EXOC2: variants seen among roughly 807,000 people sequenced by gnomAD.
EXOC2 encodes the protein exocyst complex component 2.
In EXOC2, 70 loss-of-function variants were observed where a neutral mutation model predicts 131.8. That is an observed-to-expected ratio of 0.53 (90% confidence interval 0.44 to 0.65). EXOC2 has a LOEUF of 0.65. Ranked by LOEUF, EXOC2 falls within the 30% of genes least tolerant of loss-of-function variation. The pLI, the probability that EXOC2 is intolerant of heterozygous loss-of-function variation, is 0.00. For synonymous variants in EXOC2, 411 were observed against 398.4 expected, an observed-to-expected ratio of 1.03 and a Z score of -0.38; for missense variants, 923 against 1,108.6, an observed-to-expected ratio of 0.83 and a Z score of 2.38.
intron 23 of EXOC2, among the ~76,000 whole-genome samples, chr6:521,530 CTTTTTTT>C (rs965414802): frequency 6.9e-6 from 1 of 144,298 alleles, no homozygotes; most frequent in Non-Finnish European, 1.5e-5. Flanking sequence ...CATTTGAATT[CTTTTTTT>C]TTTTTTTCCT....
chr6:671,095 G>A (rs1299397285), intron 1 of EXOC2, among the ~76,000 whole-genome samples: 2 of 148,902 alleles, frequency 1.3e-5, no homozygotes, highest in Non-Finnish European at 3.0e-5. Context: ...GGTGGCTCAC[G>A]CCTGTAATCC....
intron 23 of EXOC2, among the ~76,000 whole-genome samples, chr6:510,522 C>T (rs2127502675): frequency 6.6e-6 from 1 of 152,148 alleles, no homozygotes; most frequent in Middle Eastern, 3.4e-3. Flanking sequence ...TTATTTTTTC[C>T]CATCTGTAAG....
chr6:615,751 A>T (rs1760967160), intron 6 of EXOC2, among the ~76,000 whole-genome samples: 1 of 151,894 alleles, frequency 6.6e-6, no homozygotes, highest in Non-Finnish European at 1.5e-5. Context: ...AAAAACCAGA[A>T]ACAGGGTAAG....
At chr6:594,323 T>C (rs1034532534) in intron 10 of EXOC2, among the ~76,000 whole-genome samples, 4 of 152,244 alleles carry the variant, frequency 2.6e-5, no homozygotes, top group African/African-American at 9.6e-5. Context: ...TAGTACACTG[T>C]GTCTTTCTTC....
intron 7 of EXOC2, among the ~76,000 whole-genome samples, chr6:605,156 T>C (rs548187847): frequency 6.6e-6 from 1 of 152,308 alleles, no homozygotes; most frequent in African/African-American, 2.4e-5. Flanking sequence ...GTATTCTTAC[T>C]ACTCAGAGAG....
intron 4 of EXOC2, among the ~76,000 whole-genome samples, chr6:619,822 A>G (rs761942349): frequency 2.0e-5 from 3 of 152,262 alleles, no homozygotes; most frequent in Admixed American, 1.3e-4. Flanking sequence ...AGGTTTAAAG[A>G]GGATTAAGAC....
chr6:505,296 A>C (rs1764474841), intron 23 of EXOC2, among the ~76,000 whole-genome samples: 1 of 152,206 alleles, frequency 6.6e-6, no homozygotes, highest in African/African-American at 2.4e-5. Context: ...ACTGGTGTTG[A>C]GAATGGCTCA....
intron 22 of EXOC2, among the ~76,000 whole-genome samples, chr6:544,289 AG>A (rs1756712584): frequency 6.6e-6 from 1 of 152,104 alleles, no homozygotes; most frequent in Non-Finnish European, 1.5e-5. Context: ...TGTATTGGGG[AG>A]GTAGCACTTT....
intron 24 of EXOC2, among the ~76,000 whole-genome samples, chr6:498,572 T>C (rs1277216154): frequency 6.6e-6 from 1 of 152,260 alleles, no homozygotes; most frequent in African/African-American, 2.4e-5. Flanking sequence ...TGAATTTGTA[T>C]GTTTCCCTTT....
intron 6 of EXOC2, among the ~76,000 whole-genome samples, chr6:614,165 T>C (rs563725184): frequency 1.8e-4 from 27 of 152,128 alleles, no homozygotes; most frequent in African/African-American, 6.3e-4. Flanking sequence ...AGAGTGTCTT[T>C]GTTTGCCTGT....
chr6:563,965 C>T (rs1338507319), intron 16 of EXOC2, 68 bp downstream of exon 16: 1 of 1,566,782 alleles, frequency 6.4e-7, no homozygotes, highest in South Asian at 1.2e-5. Context: ...AGGATTTGGA[C>T]ACTGAAAGGA....
chr6:491,622 A>G (rs545042723), intron 25 of EXOC2, among the ~76,000 whole-genome samples: 3 of 152,382 alleles, frequency 2.0e-5, no homozygotes, highest in Admixed American at 2.0e-4. Flanking sequence ...TTGCAGGCAC[A>G]CTGCCTTAAT....
At chr6:606,575 T>C (rs1760428360) in intron 7 of EXOC2, among the ~76,000 whole-genome samples, 1 of 152,256 alleles carries the variant, frequency 6.6e-6, no homozygotes, top group East Asian at 1.9e-4. Context: ...AAGCCTCTTT[T>C]CTGTGCTCTG....
At chr6:580,683 G>A (rs1275515384) in intron 11 of EXOC2, among the ~76,000 whole-genome samples, 3 of 152,014 alleles carry the variant, frequency 2.0e-5, no homozygotes, top group Non-Finnish European at 4.4e-5. Context: ...AGGTTCTGTG[G>A]CAGCTCACCG....
chr6:617,674 G>C (rs372078940), intron 6 of EXOC2, 37 bp downstream of exon 6: 1 of 1,595,512 alleles, frequency 6.3e-7, no homozygotes. Flanking sequence ...TTTCCATGGC[G>C]GAAGCTGCCA....
At chr6:574,575 C>G (rs776262783) in intron 12 of EXOC2, among the ~76,000 whole-genome samples, 1 of 152,102 alleles carries the variant, frequency 6.6e-6, no homozygotes, top group Non-Finnish European at 1.5e-5. Flanking sequence ...TTTGTCTATG[C>G]TAGGAGTTGC....
chr6:495,328 G>T (rs890957882), intron 25 of EXOC2, among the ~76,000 whole-genome samples: 23 of 152,002 alleles, frequency 1.5e-4, no homozygotes, highest in African/African-American at 3.6e-4. Flanking sequence ...GTTTCACCGT[G>T]TTAGCCAGGA....
chr6:573,476 C>G (rs1455752859), intron 12 of EXOC2, among the ~76,000 whole-genome samples: 1 of 152,156 alleles, frequency 6.6e-6, no homozygotes, highest in Non-Finnish European at 1.5e-5. Context: ...CAGTCCTCAG[C>G]ACAATGACGC....
intron 11 of EXOC2, among the ~76,000 whole-genome samples, chr6:592,030 A>G (rs1581510026): frequency 6.6e-6 from 1 of 151,828 alleles, no homozygotes; most frequent in Non-Finnish European, 1.5e-5. Flanking sequence ...TTCTTTCATC[A>G]CATGTCCCAG....
Sources: gnomAD v4.1 joint callset for allele counts (sites outside exome capture counted in the v4.1 genomes callset) on GRCh38, gnomAD v4.1.1 for gene constraint, MANE v1.5 for transcripts, NCBI Gene and HGNC (gene_info 2026-07-23, HGNC 2026-07-21) for gene names.